RANBP17: variants seen among roughly 807,000 people sequenced by gnomAD.
RANBP17 encodes ran-binding protein 17.
In RANBP17, 158 loss-of-function variants were observed where a neutral mutation model predicts 141.2. That is an observed-to-expected ratio of 1.12 (90% CI 0.98 to 1.28). The LOEUF (loss-of-function observed/expected upper bound fraction) is 1.28, where lower values mean the gene tolerates loss of function less well. RANBP17 is among the 50% of genes most tolerant of loss of function. The pLI, the probability that RANBP17 is intolerant of heterozygous loss-of-function variation, is 0.00. For synonymous variants in RANBP17, 430 were observed against 450.0 expected, an observed-to-expected ratio of 0.96 and a Z score of 0.56; for missense variants, 1,438 against 1,290.7, an observed-to-expected ratio of 1.11 and a Z score of -1.75.
At chr5:171,106,796 G>T (rs1039205213) in intron 14 of RANBP17, among the ~76,000 whole-genome samples, 1 of 152,042 alleles carries the variant, frequency 6.6e-6, no homozygotes, top group Non-Finnish European at 1.5e-5. Context: ...TTTAATGTTT[G>T]GGGGTGGGGA....
At chr5:171,134,928 A>T (rs1314234431) in intron 14 of RANBP17, among the ~76,000 whole-genome samples, 1 of 151,700 alleles carries the variant, frequency 6.6e-6, no homozygotes, top group East Asian at 1.9e-4. Flanking sequence ...TCTCAAATAA[A>T]ATAAAAATAA....
intron 14 of RANBP17, among the ~76,000 whole-genome samples, chr5:171,134,206 A>G (rs1029233193): frequency 4.6e-5 from 7 of 152,244 alleles, no homozygotes; most frequent in Non-Finnish European, 5.9e-5. Flanking sequence ...CTTTAGGTGT[A>G]GAAATGCCTT....
intron 21 of RANBP17, 23 bp from the exon 22 acceptor site, chr5:171,221,735 C>G (rs765413351): frequency 2.8e-6 from 4 of 1,441,692 alleles, no homozygotes; most frequent in South Asian, 2.3e-5. Context: ...CACATATAGG[C>G]AATTTTTTTC....
intron 13 of RANBP17, among the ~76,000 whole-genome samples, chr5:170,962,896 C>T (rs1035421350): frequency 3.3e-5 from 5 of 152,026 alleles, no homozygotes; most frequent in African/African-American, 1.2e-4. Flanking sequence ...GTTGGCAATA[C>T]GTAGCAAGTT....
At chr5:170,974,846 T>G (rs1278978555) in intron 14 of RANBP17, among the ~76,000 whole-genome samples, 1 of 152,172 alleles carries the variant, frequency 6.6e-6, no homozygotes, top group Non-Finnish European at 1.5e-5. Context: ...CAAGGAGCAC[T>G]GCATGAGAAT....
At chr5:170,875,185 G>T (rs1465714227) in intron 1 of RANBP17, among the ~76,000 whole-genome samples, 2 of 152,206 alleles carry the variant, frequency 1.3e-5, no homozygotes, top group Non-Finnish European at 2.9e-5. Context: ...TAGGGTTTCT[G>T]CAGAGAGATC....
At chr5:170,959,423 C>T (rs936551683) in intron 13 of RANBP17, among the ~76,000 whole-genome samples, 1 of 152,158 alleles carries the variant, frequency 6.6e-6, no homozygotes, top group Non-Finnish European at 1.5e-5. Context: ...TCCCATTTAA[C>T]ACTGGCCTCC....
chr5:170,938,317 G>T (rs965408557), intron 12 of RANBP17, among the ~76,000 whole-genome samples: 7 of 152,142 alleles, frequency 4.6e-5, no homozygotes, highest in African/African-American at 1.7e-4. Context: ...CAGCAGAAGG[G>T]AATGAAAACC....
chr5:171,091,843 C>T (rs898853475), intron 14 of RANBP17, among the ~76,000 whole-genome samples: 1 of 152,194 alleles, frequency 6.6e-6, no homozygotes, highest in African/African-American at 2.4e-5. Flanking sequence ...CCACATGGAA[C>T]TGTAAGTCCA....
At chr5:170,936,876 A>C (rs149798945) in intron 12 of RANBP17, among the ~76,000 whole-genome samples, 8 of 152,194 alleles carry the variant, frequency 5.3e-5, no homozygotes, top group African/African-American at 1.9e-4. Context: ...TCATGTAAAC[A>C]TTTGTGATTG....
intron 14 of RANBP17, among the ~76,000 whole-genome samples, chr5:171,082,407 G>A (rs936501378): frequency 1.3e-5 from 2 of 152,130 alleles, no homozygotes; most frequent in African/African-American, 2.4e-5. Flanking sequence ...TAACTGCTAA[G>A]CTTGTAAGAA....
intron 14 of RANBP17, among the ~76,000 whole-genome samples, chr5:170,994,963 G>A (rs1778721334): frequency 6.6e-6 from 1 of 151,950 alleles, no homozygotes; most frequent in African/African-American, 2.4e-5. Context: ...ATAATATTTA[G>A]AATAATAACA....
At chr5:171,123,233 G>A (rs915000396) in intron 14 of RANBP17, among the ~76,000 whole-genome samples, 1 of 152,096 alleles carries the variant, frequency 6.6e-6, no homozygotes, top group South Asian at 2.1e-4. Context: ...CTGAATACAG[G>A]CACATGCCAC....
rs376410553 is a variant in RANBP17 at position 170,881,912 on chromosome 5, T to G, written c.256+16T>G. The stretch of plus-strand genomic sequence containing the variant: ...ATGGACATCAGTAAGTGGCTTATTA[T>G]GCTTTTTAACCAACTGCGCTTTAAA... On this transcript the variant is annotated intron_variant, in intron 3 of 27. Transcript: ENST00000523189. 1 of 1,547,668 alleles carries G rather than the reference T, an allele frequency of 6.5e-7. No individual in the cohort carries two copies. The highest frequency in any genetic ancestry group is 1.2e-5 in the South Asian group (1 of 83,852).
chr5:170,967,111 A>G (rs950008607), intron 13 of RANBP17, among the ~76,000 whole-genome samples: 16 of 152,278 alleles, frequency 1.1e-4, no homozygotes, highest in Middle Eastern at 3.4e-3. Flanking sequence ...TCAGAAGAGA[A>G]TGAGGAACCT....
chr5:171,013,126 G>T (rs962810482), intron 14 of RANBP17, among the ~76,000 whole-genome samples: 10 of 152,188 alleles, frequency 6.6e-5, no homozygotes, highest in Non-Finnish European at 1.3e-4. Context: ...CAATAATACT[G>T]ATGCACATTT....
intron 5 of RANBP17, among the ~76,000 whole-genome samples, chr5:170,899,742 T>C (rs186122982): frequency 6.6e-6 from 1 of 152,344 alleles, no homozygotes; most frequent in Admixed American, 6.5e-5. Context: ...TTGAATTTTA[T>C]TGAAGGCCTT....
At chr5:170,991,567 A>G (rs1481094962) in intron 14 of RANBP17, among the ~76,000 whole-genome samples, 1 of 151,984 alleles carries the variant, frequency 6.6e-6, no homozygotes, top group Non-Finnish European at 1.5e-5. Flanking sequence ...CAGAATAAAG[A>G]TGCGGGAAGC....
intron 12 of RANBP17, among the ~76,000 whole-genome samples, chr5:170,950,106 T>C (rs1775088337): frequency 6.6e-6 from 1 of 152,118 alleles, no homozygotes; most frequent in South Asian, 2.1e-4. Flanking sequence ...TCTAGATGGA[T>C]TAGACTTAAG....
Sources: gnomAD v4.1 joint callset for allele counts (sites outside exome capture counted in the v4.1 genomes callset) on GRCh38, gnomAD v4.1.1 for gene constraint, MANE v1.5 for transcripts, NCBI Gene and HGNC (gene_info 2026-07-23, HGNC 2026-07-21) for gene names.